RARB: variants seen among roughly 807,000 people sequenced by gnomAD.
The protein encoded by RARB is HBV-activated protein.
RARB carries 17 observed loss-of-function variants against 51.9 expected under a neutral mutation model. The ratio of observed to expected loss-of-function variants is 0.33; its 90% confidence interval spans 0.22 to 0.49. The LOEUF is 0.49. RARB is among the 20% of genes least tolerant of loss of function. The probability of loss-of-function intolerance (pLI) is 0.99; values close to 1 mark genes in which losing one functional copy is unlikely to be tolerated. For synonymous variants in RARB, 215 were observed against 195.4 expected (o/e 1.10, Z -0.84); for missense variants, 369 against 550.8 (o/e 0.67, Z 3.30).
chr3:25,006,835 T>C lies in RARB; in HGVS notation c.-379-53290T>C, dbSNP rs1697281776. On this transcript the variant is annotated intron_variant, in intron 2 of 11. Transcript: ENST00000383772. Reference sequence around the variant, plus strand: ...GATGTTGCTGTTTAAAGTGCTTATTTGATTTATAAATTCACTAAATAGAAC... The same window carrying C: ...GATGTTGCTGTTTAAAGTGCTTATTCGATTTATAAATTCACTAAATAGAAC... Among the ~76,000 whole-genome samples the C allele has an allele frequency of 3.9e-5, 6 of 152,196 alleles. No individual in the cohort carries two copies. In the South Asian group the frequency reaches 8.3e-4, roughly 21 times the overall value.
intron 5 of RARB, among the ~76,000 whole-genome samples, chr3:25,584,285 G>C (rs74859600): frequency 0.057 from 8,660 of 152,142 alleles, 328 homozygotes; most frequent in Middle Eastern, 0.085. Flanking sequence ...TCATGGAGCC[G>C]ACCTTCTCCT....
chr3:24,901,022 T>C (rs1703594695), intron 2 of RARB, among the ~76,000 whole-genome samples: 1 of 152,172 alleles, frequency 6.6e-6, no homozygotes, highest in Admixed American at 6.6e-5. Context: ...GCCTCATCTT[T>C]TGTGTTTTTC....
chr3:25,103,542 C>T (rs1699443645), intron 3 of RARB, among the ~76,000 whole-genome samples: 1 of 152,176 alleles, frequency 6.6e-6, no homozygotes, highest in Non-Finnish European at 1.5e-5. Context: ...AATTCAAGAA[C>T]AGATGGATTA....
At chr3:25,208,858 C>T (rs1701626284) in intron 5 of RARB, among the ~76,000 whole-genome samples, 1 of 152,136 alleles carries the variant, frequency 6.6e-6, no homozygotes, top group African/African-American at 2.4e-5. Context: ...TGGGAAGCGC[C>T]TGCCTACTTC....
intron 3 of RARB, among the ~76,000 whole-genome samples, chr3:25,115,703 C>G (rs1699675033): frequency 6.6e-6 from 1 of 151,530 alleles, no homozygotes; most frequent in South Asian, 2.1e-4. Flanking sequence ...ACTCTGTCAC[C>G]CAGGCTGGAG....
At chr3:25,294,915 C>T (rs1389417976) in intron 5 of RARB, among the ~76,000 whole-genome samples, 1 of 152,132 alleles carries the variant, frequency 6.6e-6, no homozygotes, top group Non-Finnish European at 1.5e-5. Flanking sequence ...CACAGGGTAT[C>T]GAGGTGTATA....
chr3:24,869,253 G>A (rs1171266490), intron 2 of RARB, among the ~76,000 whole-genome samples: 2 of 152,022 alleles, frequency 1.3e-5, no homozygotes, highest in African/African-American at 4.8e-5. Context: ...TCTTAAGTTG[G>A]TTTACAAATC....
chr3:25,054,646 T>C lies in RARB; in HGVS notation c.-379-5479T>C, dbSNP rs1339054997. On this transcript the variant is annotated intron_variant, in intron 2 of 11. Coordinates refer to the RARB transcript ENST00000383772. Reference sequence around the variant, plus strand: ...GGGGAAAGGGGGAGCAGGAGAAACCTGAGATGCAGGGAAACTGTGGATGCT... The same window carrying C: ...GGGGAAAGGGGGAGCAGGAGAAACCCGAGATGCAGGGAAACTGTGGATGCT... Among the ~76,000 whole-genome samples, 4 of 152,148 alleles carry C rather than the reference T, an allele frequency of 2.6e-5. No homozygotes were observed. In the East Asian group the frequency reaches 7.7e-4, roughly 29 times the overall value.
At chr3:25,157,987 G>T (rs1700407181) in intron 4 of RARB, among the ~76,000 whole-genome samples, 1 of 152,218 alleles carries the variant, frequency 6.6e-6, no homozygotes, top group Admixed American at 6.5e-5. Flanking sequence ...CTTTTCCAAA[G>T]TGTGGTTATC....
intron 3 of RARB, among the ~76,000 whole-genome samples, chr3:25,118,559 G>A (rs1359845433): frequency 6.6e-6 from 1 of 152,176 alleles, no homozygotes; most frequent in Non-Finnish European, 1.5e-5. Flanking sequence ...GAAATATACT[G>A]CTGGATCAGT....
chr3:25,006,116 A>T (rs1434218468), intron 2 of RARB, among the ~76,000 whole-genome samples: 1 of 152,104 alleles, frequency 6.6e-6, no homozygotes, highest in Non-Finnish European at 1.5e-5. Flanking sequence ...CAAATGTTGT[A>T]TTATCAGAAA....
At chr3:25,108,716 A>G (rs1161040587) in intron 3 of RARB, among the ~76,000 whole-genome samples, 2 of 151,916 alleles carry the variant, frequency 1.3e-5, no homozygotes, top group Admixed American at 6.6e-5. Flanking sequence ...TTCCAAAGCT[A>G]TTTTTTCTTG....
intron 5 of RARB, among the ~76,000 whole-genome samples, chr3:25,180,538 G>T (rs985775527): frequency 6.6e-6 from 1 of 152,196 alleles, no homozygotes; most frequent in Non-Finnish European, 1.5e-5. Flanking sequence ...AGCGATGGGA[G>T]ATTAGCCTCC....
At chr3:25,466,249 G>A (rs552635871) in intron 2 of RARB, among the ~76,000 whole-genome samples, 4 of 152,224 alleles carry the variant, frequency 2.6e-5, no homozygotes, top group Admixed American at 6.5e-5. Flanking sequence ...GTGCAGTGGC[G>A]CGATCTAGGC....
At chr3:25,506,378 G>T (rs1697597801) in intron 3 of RARB, among the ~76,000 whole-genome samples, 1 of 152,106 alleles carries the variant, frequency 6.6e-6, no homozygotes, top group South Asian at 2.1e-4. Context: ...GAAGGAGATG[G>T]GAGGATCTCT....
In RARB at chr3:25,461,178, C is replaced by T. The variant is rs374770716; in HGVS notation, c.158-15C>T. The T allele has an allele frequency of 2.5e-5, 39 of 1,560,786 alleles. No homozygotes were observed. In the African/African-American group the frequency reaches 5.1e-4, roughly 20 times the overall value. ...ATTTTCTCTTTTTTCTCCCTCTACC[C>T]CATCTCTATTATAGCAATTGAAACA... On this transcript the variant is annotated splice_polypyrimidine_tract_variant and intron_variant, in intron 1 of 7. Coordinates refer to ENST00000330688, the MANE Select transcript of RARB (RefSeq NM_000965.5).
At position 25,414,461 on chromosome 3, in the gene RARB, G is replaced by C. The variant is rs140599837; in HGVS notation, c.179-46732G>C. 2.5e-4 allele frequency among the ~76,000 whole-genome samples: 38 copies of C among 152,280 alleles called. 1 individual carries two copies. The East Asian group carries it at 7.0e-3, about 28-fold the overall frequency. On this transcript the variant is annotated intron_variant, in intron 5 of 11. Coordinates refer to the RARB transcript ENST00000383772. Reference sequence around the variant, plus strand: ...AGGCATGGAATGGCAGGATCACTTGGTAAGAATATGTTCACCTTTTTAAGA... The same window carrying C: ...AGGCATGGAATGGCAGGATCACTTGCTAAGAATATGTTCACCTTTTTAAGA...
intron 4 of RARB, among the ~76,000 whole-genome samples, chr3:25,155,959 C>T (rs1218678750): frequency 6.6e-6 from 1 of 152,158 alleles, no homozygotes; most frequent in Non-Finnish European, 1.5e-5. Context: ...ATTGGGTGAC[C>T]TTTGCCAACA....
intron 2 of RARB, among the ~76,000 whole-genome samples, chr3:25,052,163 G>A (rs1698345809): frequency 6.6e-6 from 1 of 152,078 alleles, no homozygotes; most frequent in African/African-American, 2.4e-5. Context: ...CAGAGGAGGT[G>A]GTATGTAACT....
Sources: gnomAD v4.1 joint callset for allele counts (sites outside exome capture counted in the v4.1 genomes callset) on GRCh38, gnomAD v4.1.1 for gene constraint, MANE v1.5 for transcripts, NCBI Gene and HGNC (gene_info 2026-07-23, HGNC 2026-07-21) for gene names.